Variants in NELL2 observed in about 807,000 individuals in gnomAD.
NELL2 encodes the protein protein kinase C-binding protein NELL2.
NELL2 carries 41 observed loss-of-function variants against 109.6 expected under a neutral mutation model. The ratio of observed to expected loss-of-function variants is 0.37; its 90% CI spans 0.29 to 0.49. NELL2 has a LOEUF of 0.49. Among genes scored for constraint, NELL2 ranks in the 20% least tolerant of loss-of-function variants. The probability of loss-of-function intolerance (pLI) is 0.98; values close to 1 mark genes in which losing one functional copy is unlikely to be tolerated. For synonymous variants in NELL2, 355 were observed against 344.7 expected (o/e 1.03, Z -0.33); for missense variants, 900 against 1,008.3 (o/e 0.89, Z 1.45).
chr12:44,672,085 A>G (rs1422763940), intron 12 of NELL2, among the ~76,000 whole-genome samples: 1 of 152,228 alleles, frequency 6.6e-6, no homozygotes, highest in Admixed American at 6.5e-5. Context: ...ATAGGAAAGC[A>G]GCTTCAGTGT....
intron 15 of NELL2, among the ~76,000 whole-genome samples, chr12:44,583,245 G>T (rs1944384538): frequency 6.6e-6 from 1 of 152,016 alleles, no homozygotes; most frequent in East Asian, 1.9e-4. Flanking sequence ...AGGGTTGGAG[G>T]GTATAAGATT....
chr12:44,848,045 A>T (rs1212226999), intron 2 of NELL2, among the ~76,000 whole-genome samples: 1 of 151,744 alleles, frequency 6.6e-6, no homozygotes, highest in African/African-American at 2.4e-5. Flanking sequence ...AAAAAAAAAA[A>T]AAAGGCAGAA....
chr12:44,622,140 A>AT (rs1384567337), intron 13 of NELL2, among the ~76,000 whole-genome samples: 1 of 152,110 alleles, frequency 6.6e-6, no homozygotes, highest in Non-Finnish European at 1.5e-5. Flanking sequence ...CAAAATCAAC[A>AT]TTTTTCAATT....
At chr12:44,574,834 A>T (rs1310928819) in intron 15 of NELL2, among the ~76,000 whole-genome samples, 2 of 152,178 alleles carry the variant, frequency 1.3e-5, no homozygotes, top group African/African-American at 2.4e-5. Flanking sequence ...TTACTGACTC[A>T]TTGAGGCCTT....
intron 15 of NELL2, among the ~76,000 whole-genome samples, chr12:44,562,470 G>GA (rs1565929936): frequency 1.3e-5 from 2 of 151,908 alleles, no homozygotes; most frequent in African/African-American, 2.4e-5. Context: ...AAATTTACAA[G>GA]AAAAAAACAA....
At chr12:44,773,403 A>C (rs10880682) in intron 9 of NELL2, among the ~76,000 whole-genome samples, 3 of 151,892 alleles carry the variant, frequency 2.0e-5, no homozygotes, top group Non-Finnish European at 2.9e-5. Context: ...GTGAACCTGG[A>C]AGGCGGAGCT....
chr12:44,743,058 T>C (rs138414016), intron 9 of NELL2, among the ~76,000 whole-genome samples: 8,134 of 152,064 alleles, frequency 0.053, 687 homozygotes, highest in African/African-American at 0.18. Context: ...AGAGAAAGGT[T>C]GGGTTACCCT....
intron 3 of NELL2, among the ~76,000 whole-genome samples, chr12:44,798,053 T>G: frequency 8.1e-6 from 1 of 123,892 alleles, no homozygotes. Flanking sequence ...AATAAAAGCA[T>G]TCCATCCTAG....
chr12:44,850,286 A>G (rs1250363120), intron 2 of NELL2, among the ~76,000 whole-genome samples: 2 of 152,084 alleles, frequency 1.3e-5, no homozygotes, highest in Non-Finnish European at 2.9e-5. Flanking sequence ...AAGTAATGCA[A>G]ATTTATAAAA....
intron 13 of NELL2, among the ~76,000 whole-genome samples, chr12:44,649,340 T>C (rs1331371752): frequency 1.3e-5 from 2 of 152,054 alleles, no homozygotes; most frequent in Non-Finnish European, 2.9e-5. Context: ...AGGGTGCCCC[T>C]ACCACTACAG....
intron 3 of NELL2, among the ~76,000 whole-genome samples, chr12:44,806,217 A>T (rs1942994655): frequency 6.6e-6 from 1 of 151,896 alleles, no homozygotes. Flanking sequence ...GAAAATTGAC[A>T]ATGCATATAC....
At chr12:44,831,071 T>A (rs1341922711) in intron 2 of NELL2, among the ~76,000 whole-genome samples, 1 of 152,118 alleles carries the variant, frequency 6.6e-6, no homozygotes, top group Non-Finnish European at 1.5e-5. Context: ...ACCAGCCCCA[T>A]CTTACCACCC....
At chr12:44,541,250 C>CAAAAAAAAAAAAAAAAAA (rs3071951) in intron 15 of NELL2, among the ~76,000 whole-genome samples, 1 of 78,886 alleles carries the variant, frequency 1.3e-5, no homozygotes, top group Non-Finnish European at 2.3e-5. Flanking sequence ...GACTCCATCT[C>CAAAAAAAAAAAAAAAAAA]AAAAAAAAAA....
intron 19 of NELL2, among the ~76,000 whole-genome samples, chr12:44,510,477 A>C (rs1772622393): frequency 6.6e-6 from 1 of 152,234 alleles, no homozygotes; most frequent in Admixed American, 6.5e-5. Flanking sequence ...AATGCATTAT[A>C]CTTTAATATG....
intron 12 of NELL2, among the ~76,000 whole-genome samples, chr12:44,691,528 A>C (rs927331251): frequency 6.6e-6 from 1 of 152,156 alleles, no homozygotes. Flanking sequence ...TCAAGTGAGA[A>C]GAGTTGCACG....
chr12:44,600,132 ATTT>A (rs1441551748), intron 15 of NELL2, among the ~76,000 whole-genome samples: 12 of 38,924 alleles, frequency 3.1e-4, no homozygotes, highest in African/African-American at 6.4e-4. Context: ...CGGCTAATTT[ATTT>A]ATTTATTTAT....
intron 3 of NELL2, among the ~76,000 whole-genome samples, chr12:44,804,245 G>T (rs1454232519): frequency 6.6e-6 from 1 of 151,848 alleles, no homozygotes; most frequent in Non-Finnish European, 1.5e-5. Flanking sequence ...ATGACAGCAT[G>T]TCAATCACCT....
At chr12:44,808,886 C>A (rs1943087830) in intron 3 of NELL2, among the ~76,000 whole-genome samples, 1 of 151,972 alleles carries the variant, frequency 6.6e-6, no homozygotes. Flanking sequence ...TCATTTATTT[C>A]ACCTGAAGTT....
intron 13 of NELL2, among the ~76,000 whole-genome samples, chr12:44,645,585 T>C (rs1947064146): frequency 6.6e-6 from 1 of 152,172 alleles, no homozygotes; most frequent in Admixed American, 6.5e-5. Flanking sequence ...TTATTTTAAA[T>C]CCCAATTTGC....
Sources: gnomAD v4.1 joint callset for allele counts (sites outside exome capture counted in the v4.1 genomes callset) on GRCh38, gnomAD v4.1.1 for gene constraint, MANE v1.5 for transcripts, NCBI Gene and HGNC (gene_info 2026-07-23, HGNC 2026-07-21) for gene names.